Variants in KCNT2 observed in about 807,000 individuals in gnomAD.
The protein encoded by KCNT2 is potassium sodium-activated channel subfamily T member 2.
Under a neutral mutation model 153.8 loss-of-function variants are expected in KCNT2, and 67 were observed. The observed-to-expected ratio is 0.44, with a 90% CI of 0.36 to 0.53. The LOEUF (loss-of-function observed/expected upper bound fraction) is 0.53, where lower values mean the gene tolerates loss of function less well. Ranked by LOEUF, KCNT2 falls within the 20% of genes least tolerant of loss-of-function variation. The pLI, the probability that KCNT2 is intolerant of heterozygous loss-of-function variation, is 0.00. For synonymous variants in KCNT2, 500 were observed against 458.8 expected (o/e 1.09, Z -1.15); for missense variants, 975 against 1,354.8 (o/e 0.72, Z 4.40).
intron 25 of KCNT2, among the ~76,000 whole-genome samples, chr1:196,279,497 A>C (rs1658893921): frequency 6.6e-6 from 1 of 152,040 alleles, no homozygotes; most frequent in Admixed American, 6.6e-5. Flanking sequence ...ATCTTGGCTC[A>C]CTGCAACCTC....
intron 5 of KCNT2, among the ~76,000 whole-genome samples, chr1:196,473,491 C>T (rs1335773847): frequency 1.3e-5 from 2 of 152,148 alleles, no homozygotes; most frequent in Non-Finnish European, 2.9e-5. Flanking sequence ...TTGACTCACA[C>T]CACATGTATG....
chr1:196,232,907 C>T (rs1654080945), intron 27 of KCNT2, among the ~76,000 whole-genome samples: 1 of 150,826 alleles, frequency 6.6e-6, no homozygotes, highest in South Asian at 2.1e-4. Context: ...ATAAGGTAAG[C>T]ATAATTTTTT....
At chr1:196,343,966 G>A (rs1558172695) in intron 14 of KCNT2, among the ~76,000 whole-genome samples, 1 of 152,102 alleles carries the variant, frequency 6.6e-6, no homozygotes, top group Non-Finnish European at 1.5e-5. Context: ...TTTTAGTAGA[G>A]ATGGGGTTTC....
chr1:196,295,013 T>C (rs565743109), intron 22 of KCNT2, among the ~76,000 whole-genome samples: 2 of 151,802 alleles, frequency 1.3e-5, no homozygotes, highest in East Asian at 1.9e-4. Flanking sequence ...AATAATGTAT[T>C]GTATATTTCA....
At chr1:196,411,649 G>A (rs1262411359) in intron 12 of KCNT2, among the ~76,000 whole-genome samples, 1 of 151,658 alleles carries the variant, frequency 6.6e-6, no homozygotes, top group East Asian at 1.9e-4. Context: ...TGGTAAAAGA[G>A]TTATTTTCTG....
At chr1:196,448,915 T>C (rs1484249444) in intron 8 of KCNT2, among the ~76,000 whole-genome samples, 4 of 151,700 alleles carry the variant, frequency 2.6e-5, no homozygotes, top group Non-Finnish European at 5.9e-5. Flanking sequence ...TAAAAATATT[T>C]CCCCTAAATT....
intron 25 of KCNT2, among the ~76,000 whole-genome samples, chr1:196,275,857 G>T (rs1269825900): frequency 6.6e-6 from 1 of 151,928 alleles, no homozygotes; most frequent in Non-Finnish European, 1.5e-5. Flanking sequence ...ATTAATGAAT[G>T]GGTCTGATAT....
intron 16 of KCNT2, among the ~76,000 whole-genome samples, chr1:196,339,651 C>T (rs1040811878): frequency 1.3e-5 from 2 of 151,722 alleles, no homozygotes; most frequent in African/African-American, 4.8e-5. Flanking sequence ...TGAGGAGGAA[C>T]AAGGGCATGG....
rs1179610041 is a variant in KCNT2 at position 196,425,736 on chromosome 1, C to T, written c.1121+116G>A. 11 of 1,030,072 alleles carry T rather than the reference C, an allele frequency of 1.1e-5. No individual in the cohort carries two copies. The African/African-American group carries it at 1.1e-4, about 10-fold the overall frequency. 63.8% of individuals were successfully genotyped at this position (1,030,072 alleles called of 1,614,324 possible). On this transcript the variant is annotated intron_variant, in intron 11 of 27. Transcript: ENST00000294725. The stretch of plus-strand genomic sequence containing the variant: ...AGAGGGACTAAGGCAAGAGTCTATA[C>T]TCAAACATACTTTAACACATCTTGC...
chr1:196,380,670 A>T (rs1032683073), intron 13 of KCNT2, among the ~76,000 whole-genome samples: 6 of 152,164 alleles, frequency 3.9e-5, no homozygotes, highest in African/African-American at 1.2e-4. Context: ...AATGTTAGTC[A>T]TTTTTATTTT....
At chr1:196,487,178 G>A (rs1178801171) in intron 3 of KCNT2, among the ~76,000 whole-genome samples, 2 of 151,910 alleles carry the variant, frequency 1.3e-5, no homozygotes, top group African/African-American at 4.8e-5. Flanking sequence ...ACATTTCTCA[G>A]TCTTTGTGTC....
chr1:196,556,650 G>C (rs986936253), intron 1 of KCNT2, among the ~76,000 whole-genome samples: 9 of 151,382 alleles, frequency 5.9e-5, no homozygotes, highest in Non-Finnish European at 1.0e-4. Flanking sequence ...AAAAGAAAGG[G>C]AATCAGTATA....
intron 26 of KCNT2, among the ~76,000 whole-genome samples, chr1:196,245,383 G>T (rs1655345970): frequency 2.0e-5 from 3 of 152,056 alleles, no homozygotes; most frequent in African/African-American, 2.4e-5. Flanking sequence ...CACCTGAAAA[G>T]CCTTTCAAGA....
At chr1:196,417,866 A>G (rs1672877612) in intron 12 of KCNT2, among the ~76,000 whole-genome samples, 1 of 152,084 alleles carries the variant, frequency 6.6e-6, no homozygotes, top group South Asian at 2.1e-4. Flanking sequence ...CTGCTAAGTT[A>G]CAACAGCTAT....
At chr1:196,313,289 T>A (rs549202866) in intron 21 of KCNT2, among the ~76,000 whole-genome samples, 24 of 151,746 alleles carry the variant, frequency 1.6e-4, no homozygotes, top group African/African-American at 5.5e-4. Context: ...GAGTGTTGAA[T>A]GCTAGAAACT....
At chr1:196,438,824 T>C (rs1674959952) in intron 8 of KCNT2, among the ~76,000 whole-genome samples, 1 of 151,884 alleles carries the variant, frequency 6.6e-6, no homozygotes, top group African/African-American at 2.4e-5. Context: ...ACTAATATCA[T>C]GATATGTTAA....
intron 1 of KCNT2, among the ~76,000 whole-genome samples, chr1:196,587,436 T>C (rs1662821316): frequency 6.6e-6 from 1 of 152,014 alleles, no homozygotes; most frequent in Admixed American, 6.6e-5. Context: ...AGCTCTAATA[T>C]AGTGACATTA....
intron 12 of KCNT2, among the ~76,000 whole-genome samples, chr1:196,400,991 G>T (rs1319941021): frequency 6.6e-6 from 1 of 151,764 alleles, no homozygotes; most frequent in Non-Finnish European, 1.5e-5. Flanking sequence ...AACAACAAGC[G>T]AATGGAGCCT....
At chr1:196,400,991 G>A (rs1319941021) in intron 12 of KCNT2, among the ~76,000 whole-genome samples, 3 of 151,764 alleles carry the variant, frequency 2.0e-5, no homozygotes, top group East Asian at 1.9e-4. Context: ...AACAACAAGC[G>A]AATGGAGCCT....
Sources: gnomAD v4.1 joint callset for allele counts (sites outside exome capture counted in the v4.1 genomes callset) on GRCh38, gnomAD v4.1.1 for gene constraint, MANE v1.5 for transcripts, NCBI Gene and HGNC (gene_info 2026-07-23, HGNC 2026-07-21) for gene names.